The following IL1RAPL2 variants were observed in gnomAD, a reference collection of about 807,000 sequenced individuals.
The protein encoded by IL1RAPL2 is interleukin 1 receptor accessory protein like 2, also known as X-linked interleukin-1 receptor accessory protein-like 2.
Under a neutral mutation model 44.1 loss-of-function variants are expected in IL1RAPL2, and 3 were observed. The observed-to-expected ratio is 0.07, with a 90% CI of 0.03 to 0.18. IL1RAPL2 has a LOEUF of 0.18. Ranked by LOEUF, IL1RAPL2 falls within the 10% of genes least tolerant of loss-of-function variation. The probability of loss-of-function intolerance (pLI) is 1.00; values close to 1 mark genes in which losing one functional copy is unlikely to be tolerated. For missense variants in IL1RAPL2, 391 were observed against 496.4 expected (o/e 0.79, Z 2.02); for synonymous variants, 181 against 178.8 (o/e 1.01, Z -0.10).
intron 6 of IL1RAPL2, among the ~76,000 whole-genome samples, chrX:105,687,785 G>C (rs2037995757): frequency 9.0e-6 from 1 of 111,573 alleles, no homozygotes; most frequent in Non-Finnish European, 1.9e-5. Context: ...AGAGAATTTA[G>C]ACCAGTATCC....
chrX:104,947,703 G>A (rs1461486638), intron 2 of IL1RAPL2, among the ~76,000 whole-genome samples: 2 of 110,994 alleles, frequency 1.8e-5, no homozygotes, highest in African/African-American at 6.6e-5. Context: ...TTTTTGTCAG[G>A]TTTGTCAAAG....
intron 1 of IL1RAPL2, among the ~76,000 whole-genome samples, chrX:104,651,578 G>T (rs1283086648): frequency 9.0e-6 from 1 of 111,675 alleles, no homozygotes; most frequent in Non-Finnish European, 1.9e-5. Context: ...AATCGTGAAG[G>T]TACAATCATA....
intron 2 of IL1RAPL2, among the ~76,000 whole-genome samples, chrX:104,915,006 A>T (rs1210360874): frequency 1.8e-5 from 2 of 111,806 alleles, no homozygotes; most frequent in African/African-American, 6.5e-5. Flanking sequence ...TGCTATTGTG[A>T]ATAGTGCCGC....
intron 2 of IL1RAPL2, among the ~76,000 whole-genome samples, chrX:104,894,013 C>T (rs746261494): frequency 1.8e-5 from 2 of 111,465 alleles, no homozygotes; most frequent in South Asian, 7.6e-4. Context: ...ATTTGCTTGT[C>T]TGTAAAGTAT....
intron 2 of IL1RAPL2, among the ~76,000 whole-genome samples, chrX:105,153,873 G>A (rs891359551): frequency 1.8e-5 from 2 of 111,104 alleles, no homozygotes; most frequent in Non-Finnish European, 1.9e-5. Context: ...ACTTCAGAGA[G>A]AATAGATGGT....
chrX:105,137,883 T>C (rs908572264), intron 2 of IL1RAPL2, among the ~76,000 whole-genome samples: 1 of 110,965 alleles, frequency 9.0e-6, no homozygotes, highest in African/African-American at 3.3e-5. Flanking sequence ...CTGAGCAACA[T>C]AGTGGGACCT....
intron 2 of IL1RAPL2, among the ~76,000 whole-genome samples, chrX:104,983,414 TAATATTAGATAC>T (rs1197888706): frequency 2.6e-5 from 2 of 77,464 alleles, no homozygotes; most frequent in African/African-American, 5.5e-5. Context: ...ATACATAATA[TAATATTAGATAC>T]ATAATATATA....
chrX:105,705,417 GT>G (rs1276359979), intron 6 of IL1RAPL2, among the ~76,000 whole-genome samples: 1 of 110,953 alleles, frequency 9.0e-6, no homozygotes, highest in Admixed American at 9.7e-5. Context: ...GAAAGAGGCT[GT>G]TTTTTAATCA....
At chrX:105,622,363 T>G (rs780464831) in intron 6 of IL1RAPL2, among the ~76,000 whole-genome samples, 12 of 109,785 alleles carry the variant, frequency 1.1e-4, no homozygotes, top group Non-Finnish European at 1.9e-4. Flanking sequence ...CAGCCAAACA[T>G]CATGTCCTGT....
intron 2 of IL1RAPL2, among the ~76,000 whole-genome samples, chrX:105,012,598 TTCTCTCTCTCTCTCTCTC>T (rs1174323282): frequency 0.011 from 581 of 51,711 alleles, 8 homozygotes; most frequent in African/African-American, 0.049. Context: ...AACTTTCTCT[TTCTCTCTCTCTCTCTCTC>T]TCTCTCTCTC....
At chrX:104,751,314 C>T (rs749305993) in intron 2 of IL1RAPL2, among the ~76,000 whole-genome samples, 1 of 111,331 alleles carries the variant, frequency 9.0e-6, no homozygotes, top group Non-Finnish European at 1.9e-5. Context: ...ACATATGGTT[C>T]CTGCCCTCAG....
chrX:104,586,155 T>C (rs1928557839), intron 1 of IL1RAPL2, among the ~76,000 whole-genome samples: 1 of 112,020 alleles, frequency 8.9e-6, no homozygotes, highest in Admixed American at 9.5e-5. Context: ...CGTGAGATGG[T>C]ATCTCATTGT....
intron 2 of IL1RAPL2, among the ~76,000 whole-genome samples, chrX:105,111,016 T>C (rs2032795954): frequency 9.0e-6 from 1 of 111,421 alleles, no homozygotes; most frequent in East Asian, 2.8e-4. Context: ...AAAATAAAAG[T>C]TTAAATTTTC....
At chrX:105,507,943 A>T (rs1043565762) in intron 6 of IL1RAPL2, among the ~76,000 whole-genome samples, 2 of 111,239 alleles carry the variant, frequency 1.8e-5, no homozygotes, top group Non-Finnish European at 3.8e-5. Flanking sequence ...CCCTATATGA[A>T]AACACATTGA....
At chrX:104,918,407 G>A (rs762306368) in intron 2 of IL1RAPL2, among the ~76,000 whole-genome samples, 51 of 111,279 alleles carry the variant, frequency 4.6e-4, no homozygotes, top group African/African-American at 1.6e-3. Flanking sequence ...ATCATGGCAT[G>A]TTAACTGGAA....
At chrX:104,784,902 A>T (rs1394550480) in intron 2 of IL1RAPL2, among the ~76,000 whole-genome samples, 1 of 111,010 alleles carries the variant, frequency 9.0e-6, no homozygotes, top group East Asian at 2.8e-4. Flanking sequence ...AGAGGACAAA[A>T]AAAGGAAACT....
intron 2 of IL1RAPL2, among the ~76,000 whole-genome samples, chrX:104,922,250 A>C (rs1924664451): frequency 8.9e-6 from 1 of 112,974 alleles, no homozygotes. Flanking sequence ...ATCAGCGCAA[A>C]TGCTGTCCTC....
At chrX:104,933,717 G>A (rs1412648144) in intron 2 of IL1RAPL2, among the ~76,000 whole-genome samples, 1 of 111,300 alleles carries the variant, frequency 9.0e-6, no homozygotes, top group East Asian at 2.8e-4. Flanking sequence ...GTCCAAAGAA[G>A]GTGTATTAAT....
intron 6 of IL1RAPL2, among the ~76,000 whole-genome samples, chrX:105,688,727 A>G (rs2038007511): frequency 8.9e-6 from 1 of 111,750 alleles, no homozygotes; most frequent in African/African-American, 3.3e-5. Context: ...AACTACTTTA[A>G]AGTTCATATG....
Sources: gnomAD v4.1 joint callset for allele counts (sites outside exome capture counted in the v4.1 genomes callset) on GRCh38, gnomAD v4.1.1 for gene constraint, MANE v1.5 for transcripts, NCBI Gene and HGNC (gene_info 2026-07-23, HGNC 2026-07-21) for gene names.